Variants in GOLPH3 observed in about 807,000 individuals in gnomAD.
GOLPH3 encodes golgi phosphoprotein 3, also known as coat protein GPP34.
In GOLPH3, 14 loss-of-function variants were observed where a neutral mutation model predicts 28.5. That is an observed-to-expected ratio of 0.49 (90% confidence interval 0.32 to 0.77). GOLPH3 has a LOEUF of 0.77. Ranked by LOEUF, GOLPH3 falls within the 30% of genes least tolerant of loss-of-function variation. The probability of loss-of-function intolerance (pLI) is 0.03; values close to 1 mark genes in which losing one functional copy is unlikely to be tolerated. For missense variants in GOLPH3, 350 were observed against 393.7 expected (o/e 0.89, Z 0.94); for synonymous variants, 158 against 159.2 (o/e 0.99, Z 0.06).
intron 1 of GOLPH3, among the ~76,000 whole-genome samples, chr5:32,156,122 G>A (rs1746420314): frequency 6.6e-6 from 1 of 152,040 alleles, no homozygotes; most frequent in South Asian, 2.1e-4. Context: ...ATGTGAGGAT[G>A]CAATGAGAAG....
Position 32,173,335 on chromosome 5 carries a change from T to TGAA in GOLPH3, c.225+472_225+474dup, listed in dbSNP as rs770125032. Among the ~76,000 whole-genome samples, 12 of 151,254 alleles carry TGAA rather than the reference T, an allele frequency of 7.9e-5. No individual in the cohort carries two copies. The East Asian group carries it at 1.6e-3, about 20-fold the overall frequency. ...GTAATTCCCAACAGTAAGCTTTAAC[T>TGAA]GAAGAAGAAGAAAAAAAAAACATCC... On this transcript the variant is annotated intron_variant, in intron 1 of 3. Coordinates refer to ENST00000265070, the MANE Select transcript of GOLPH3 (RefSeq NM_022130.4).
intron 1 of GOLPH3, among the ~76,000 whole-genome samples, chr5:32,149,506 A>AT (rs1746257006): frequency 6.6e-6 from 1 of 152,254 alleles, no homozygotes; most frequent in South Asian, 2.1e-4. Context: ...CATATGAATC[A>AT]TATCTCAGAG....
chr5:32,152,393 G>C (rs1581549333), intron 1 of GOLPH3, among the ~76,000 whole-genome samples: 1 of 148,366 alleles, frequency 6.7e-6, no homozygotes, highest in South Asian at 2.1e-4. Flanking sequence ...CCAAAGTGCT[G>C]GGATTACAGG....
At chr5:32,166,885 T>TA (rs1355130913) in intron 1 of GOLPH3, among the ~76,000 whole-genome samples, 1 of 151,254 alleles carries the variant, frequency 6.6e-6, no homozygotes. Context: ...AACATGAAGA[T>TA]AAATCCTCTA....
At chr5:32,159,534 G>C (rs1193138771) in intron 1 of GOLPH3, among the ~76,000 whole-genome samples, 1 of 152,126 alleles carries the variant, frequency 6.6e-6, no homozygotes, top group Non-Finnish European at 1.5e-5. Context: ...ACAGCAGAGA[G>C]CACAAAACAA....
intron 1 of GOLPH3, among the ~76,000 whole-genome samples, chr5:32,169,414 A>G (rs995352739): frequency 2.6e-5 from 4 of 152,238 alleles, no homozygotes; most frequent in Admixed American, 6.5e-5. Context: ...TCCATTATAC[A>G]TGAAAACACT....
chr5:32,142,479 G>T (rs1195097231), intron 2 of GOLPH3, among the ~76,000 whole-genome samples: 3 of 148,916 alleles, frequency 2.0e-5, no homozygotes, highest in Non-Finnish European at 4.5e-5. Context: ...AGGTGGGGGG[G>T]TCAGCCCCCC....
chr5:32,132,609 T>A (rs1745846148), intron 3 of GOLPH3, among the ~76,000 whole-genome samples: 1 of 152,242 alleles, frequency 6.6e-6, no homozygotes, highest in South Asian at 2.1e-4. Flanking sequence ...GAGCACATTT[T>A]AAATTTCATA....
chr5:32,149,170 A>C (rs759428738), intron 1 of GOLPH3, among the ~76,000 whole-genome samples: 4 of 152,212 alleles, frequency 2.6e-5, no homozygotes, highest in Non-Finnish European at 5.9e-5. Flanking sequence ...AATGAAGGTA[A>C]CAGAAAGGAA....
intron 1 of GOLPH3, among the ~76,000 whole-genome samples, chr5:32,160,799 G>A (rs1353860619): frequency 6.6e-6 from 1 of 152,202 alleles, no homozygotes; most frequent in East Asian, 1.9e-4. Flanking sequence ...CAGGCGCGGT[G>A]GCTCACGCCT....
Position 32,173,814 on chromosome 5 carries a change from CG to C in GOLPH3, c.220del (p.Arg74AlafsTer21). 6.9e-7 allele frequency: 1 copy of C among 1,449,868 alleles called. No homozygotes were observed. The allele number at this position is 1,449,868 out of a possible 1,614,324, so 89.8% of individuals were successfully genotyped here. A position where few individuals can be genotyped will look rare whatever the true frequency, so the allele number is the denominator to read the frequency against. The stretch of plus-strand genomic sequence containing the variant: ...CCCAGCCCGCCGCGCCCGCACCTCG[CG>C]GTCCTTGAGGCCCAGCAGGAGCACT... ...EEVLLLGLKD[R>X]EGYTSFWNDC... On this transcript the variant is annotated frameshift_variant, in exon 1 of 4. Transcript: ENST00000265070. LOFTEE classifies it high-confidence loss of function.
intron 2 of GOLPH3, among the ~76,000 whole-genome samples, chr5:32,136,909 G>A (rs1252472099): frequency 6.6e-6 from 1 of 152,226 alleles, no homozygotes; most frequent in Non-Finnish European, 1.5e-5. Context: ...TTAAACAAAT[G>A]TCATTAAAAC....
At chr5:32,158,960 G>A (rs780143813) in intron 1 of GOLPH3, among the ~76,000 whole-genome samples, 13 of 152,116 alleles carry the variant, frequency 8.5e-5, no homozygotes, top group Non-Finnish European at 1.0e-4. Context: ...TAATTCTTAG[G>A]AAACCTTGTA....
At chr5:32,147,504 G>A (rs969375976) in intron 1 of GOLPH3, among the ~76,000 whole-genome samples, 24 of 151,046 alleles carry the variant, frequency 1.6e-4, no homozygotes, top group African/African-American at 3.4e-4. Flanking sequence ...TTATGAAATC[G>A]TGTGTGTGTG....
At chr5:32,160,926 G>C (rs776577722) in intron 1 of GOLPH3, among the ~76,000 whole-genome samples, 8 of 152,048 alleles carry the variant, frequency 5.3e-5, no homozygotes, top group Non-Finnish European at 1.0e-4. Flanking sequence ...AATTAGCCAG[G>C]CGTGGTGGCG....
chr5:32,133,255 T>C (rs1426122613), intron 3 of GOLPH3, among the ~76,000 whole-genome samples: 2 of 152,246 alleles, frequency 1.3e-5, no homozygotes, highest in African/African-American at 4.8e-5. Flanking sequence ...AGCATTTATA[T>C]TGATAAGCTT....
At chr5:32,131,086 T>C (rs1244220022) in intron 3 of GOLPH3, among the ~76,000 whole-genome samples, 1 of 152,220 alleles carries the variant, frequency 6.6e-6, no homozygotes, top group Non-Finnish European at 1.5e-5. Context: ...CCAGCTATCA[T>C]CTTCTCTTGT....
intron 2 of GOLPH3, among the ~76,000 whole-genome samples, chr5:32,141,035 C>G (rs566213455): frequency 1.3e-3 from 198 of 151,570 alleles, no homozygotes; most frequent in African/African-American, 4.5e-3. Context: ...TGGCAGCACA[C>G]GCCTGTAGTA....
chr5:32,132,184 G>C (rs161543), intron 3 of GOLPH3, among the ~76,000 whole-genome samples: 5,038 of 152,068 alleles, frequency 0.033, 289 homozygotes, highest in African/African-American at 0.12. Context: ...AAAATACGTA[G>C]TCTCTCGACT....
Sources: gnomAD v4.1 joint callset for allele counts (sites outside exome capture counted in the v4.1 genomes callset) on GRCh38, gnomAD v4.1.1 for gene constraint, MANE v1.5 for transcripts, NCBI Gene and HGNC (gene_info 2026-07-23, HGNC 2026-07-21) for gene names.